The following ZNF521 variants were observed in gnomAD, a reference collection of about 807,000 sequenced individuals.
ZNF521 encodes zinc finger protein 521.
A neutral mutation model predicts 105.5 loss-of-function variants in ZNF521; 14 were observed. That is an observed-to-expected ratio of 0.13 (90% CI 0.09 to 0.21). The LOEUF is 0.21. Among genes scored for constraint, ZNF521 ranks in the 10% least tolerant of loss-of-function variants. The pLI, the probability that ZNF521 is intolerant of heterozygous loss-of-function variation, is 1.00. For synonymous variants in ZNF521, 635 were observed against 606.0 expected, an observed-to-expected ratio of 1.05 and a Z score of -0.70; for missense variants, 1,233 against 1,629.7, an observed-to-expected ratio of 0.76 and a Z score of 4.19.
At chr18:25,231,185 T>C (rs1906505181) in intron 3 of ZNF521, among the ~76,000 whole-genome samples, 2 of 152,190 alleles carry the variant, frequency 1.3e-5, no homozygotes, top group South Asian at 4.1e-4. Flanking sequence ...TGAAGGCCTG[T>C]CTTTGTTAGC....
At chr18:25,075,742 G>C (rs1376422931) in intron 7 of ZNF521, among the ~76,000 whole-genome samples, 1 of 152,110 alleles carries the variant, frequency 6.6e-6, no homozygotes, top group Non-Finnish European at 1.5e-5. Flanking sequence ...CAATAATAAG[G>C]GTTAAGTGGA....
chr18:25,349,283 G>T (rs573113890), intron 2 of ZNF521, among the ~76,000 whole-genome samples: 1 of 152,262 alleles, frequency 6.6e-6, no homozygotes, highest in South Asian at 2.1e-4. Context: ...CTGGTCCACC[G>T]TTACCCTGAC....
intron 5 of ZNF521, among the ~76,000 whole-genome samples, chr18:25,145,404 G>C (rs926517499): frequency 6.6e-6 from 1 of 151,920 alleles, no homozygotes; most frequent in African/African-American, 2.4e-5. Context: ...TGGTGTTATC[G>C]ATCTATAGTT....
chr18:25,351,226 AAAAAAAAAAAAAGG>A (rs1235139444), intron 1 of ZNF521: 2 of 149,552 alleles, frequency 1.3e-5, no homozygotes, highest in African/African-American at 4.9e-5. Context: ...TCTCCAAGAA[AAAAAAAAAAAAAGG>A]AAAAAGAAAA....
chr18:25,067,815 C>T lies in ZNF521; in HGVS notation c.3907-5074G>A, dbSNP rs538582153. ...CACTTTTCTAATTCTTTGGCAGAGA[C>T]CGTGTCTCGTCTGTGCTTTGTAACA... On this transcript the variant is annotated intron_variant, in intron 7 of 7. Coordinates refer to ENST00000361524, the MANE Select transcript of ZNF521 (RefSeq NM_015461.3). Among the ~76,000 whole-genome samples, 12 of 152,274 alleles carry T rather than the reference C, an allele frequency of 7.9e-5. No individual in the cohort carries two copies. In the South Asian group the frequency reaches 1.5e-3, roughly 18 times the overall value.
chr18:25,101,942 G>C (rs1357953233), intron 5 of ZNF521, among the ~76,000 whole-genome samples: 1 of 152,146 alleles, frequency 6.6e-6, no homozygotes, highest in Non-Finnish European at 1.5e-5. Context: ...AGCAATTAAA[G>C]AGAACAGCAG....
chr18:25,104,522 A>G (rs1404391887), intron 5 of ZNF521, among the ~76,000 whole-genome samples: 4 of 152,216 alleles, frequency 2.6e-5, no homozygotes, highest in African/African-American at 4.8e-5. Flanking sequence ...AAGAAATCAT[A>G]AAAGTCCAGG....
chr18:25,192,202 T>C (rs911113870), intron 5 of ZNF521, among the ~76,000 whole-genome samples: 1 of 152,192 alleles, frequency 6.6e-6, no homozygotes, highest in Non-Finnish European at 1.5e-5. Context: ...GTTTTCTTTT[T>C]TTCCTTAATA....
chr18:25,099,258 T>C (rs2033916037), intron 5 of ZNF521, among the ~76,000 whole-genome samples: 2 of 152,314 alleles, frequency 1.3e-5, no homozygotes, highest in Non-Finnish European at 1.5e-5. Context: ...ATGCCAAGAC[T>C]GATGGTAAAA....
At chr18:25,212,550 T>TATATATATATATACATACATAC (rs1555647934) in intron 4 of ZNF521, among the ~76,000 whole-genome samples, 1 of 109,186 alleles carries the variant, frequency 9.2e-6, no homozygotes, top group African/African-American at 3.9e-5. Context: ...TATATATATA[T>TATATATATATATACATACATAC]ATATATATAT....
intron 3 of ZNF521, among the ~76,000 whole-genome samples, chr18:25,298,658 A>T (rs1346873327): frequency 6.6e-6 from 1 of 152,156 alleles, no homozygotes; most frequent in Non-Finnish European, 1.5e-5. Flanking sequence ...GATTTCCTTG[A>T]TCATACACCA....
chr18:25,118,286 GTTC>G (rs1488894685), intron 5 of ZNF521, among the ~76,000 whole-genome samples: 1 of 151,976 alleles, frequency 6.6e-6, no homozygotes, highest in Non-Finnish European at 1.5e-5. Flanking sequence ...ACTATAAAGA[GTTC>G]TTCTTCAGAC....
chr18:25,137,601 C>G (rs1394188413), intron 5 of ZNF521, among the ~76,000 whole-genome samples: 1 of 152,112 alleles, frequency 6.6e-6, no homozygotes, highest in African/African-American at 2.4e-5. Context: ...AAAATGTCAG[C>G]AGGAAATCAA....
At chr18:25,250,870 T>C (rs1297115730) in intron 3 of ZNF521, among the ~76,000 whole-genome samples, 2 of 152,348 alleles carry the variant, frequency 1.3e-5, no homozygotes, top group East Asian at 3.9e-4. Flanking sequence ...GGGTAAGAGA[T>C]TCTTAAGTGA....
chr18:25,342,979 T>C (rs1243146220), intron 2 of ZNF521, among the ~76,000 whole-genome samples: 11 of 152,200 alleles, frequency 7.2e-5, no homozygotes. Context: ...ATATAAAGTT[T>C]AAAGCACAGT....
At chr18:25,254,530 G>T (rs1034292593) in intron 3 of ZNF521, among the ~76,000 whole-genome samples, 1 of 152,082 alleles carries the variant, frequency 6.6e-6, no homozygotes. Context: ...TTGATTTGTG[G>T]TTGTGGCTGA....
At chr18:25,310,535 A>G (rs758090614) in intron 3 of ZNF521, among the ~76,000 whole-genome samples, 1 of 152,112 alleles carries the variant, frequency 6.6e-6, no homozygotes, top group Non-Finnish European at 1.5e-5. Flanking sequence ...ACATGCAAAG[A>G]AAACAAAAGA....
intron 5 of ZNF521, among the ~76,000 whole-genome samples, chr18:25,101,783 T>C (rs1484738848): frequency 6.6e-6 from 1 of 152,080 alleles, no homozygotes; most frequent in Non-Finnish European, 1.5e-5. Context: ...GTTCAAAATT[T>C]TACTGGATGT....
chr18:25,110,294 C>G (rs1193924897), intron 5 of ZNF521, among the ~76,000 whole-genome samples: 5 of 152,184 alleles, frequency 3.3e-5, no homozygotes, highest in African/African-American at 9.7e-5. Context: ...ATGCTATCAG[C>G]GGGACTGAGG....
Sources: gnomAD v4.1 joint callset for allele counts (sites outside exome capture counted in the v4.1 genomes callset) on GRCh38, gnomAD v4.1.1 for gene constraint, MANE v1.5 for transcripts, NCBI Gene and HGNC (gene_info 2026-07-23, HGNC 2026-07-21) for gene names.